The following DLGAP2 variants were observed in gnomAD, a reference collection of about 807,000 sequenced individuals.
DLGAP2 encodes disks large-associated protein 2.
DLGAP2 carries 26 observed loss-of-function variants against 100.3 expected under a neutral mutation model. That is an observed-to-expected ratio of 0.26 (90% CI 0.19 to 0.36). DLGAP2 has a LOEUF of 0.36. Ranked by LOEUF, DLGAP2 falls within the 10% of genes least tolerant of loss-of-function variation. The pLI is 1.00. For synonymous variants in DLGAP2, 886 were observed against 630.1 expected (o/e 1.41, Z -6.08); for missense variants, 1,858 against 1,453.2 (o/e 1.28, Z -4.53).
intron 3 of DLGAP2, among the ~76,000 whole-genome samples, chr8:1,457,788 A>G (rs1380780871): frequency 6.6e-6 from 1 of 151,612 alleles, no homozygotes; most frequent in East Asian, 1.9e-4. Context: ...TCCTCCCTCC[A>G]GGATGCCTCA....
intron 2 of DLGAP2, among the ~76,000 whole-genome samples, chr8:1,112,900 C>T (rs1489673650): frequency 6.6e-6 from 1 of 152,152 alleles, no homozygotes; most frequent in Non-Finnish European, 1.5e-5. Flanking sequence ...AGGAAGGGGT[C>T]CAGCTTCAAT....
intron 1 of DLGAP2, among the ~76,000 whole-genome samples, chr8:840,429 T>C (rs1410762539): frequency 3.7e-4 from 30 of 81,188 alleles, no homozygotes; most frequent in East Asian, 1.6e-3. Context: ...GCCTGCACTT[T>C]TCCCCACACT....
At chr8:1,503,115 T>G (rs1438191760) in intron 4 of DLGAP2, among the ~76,000 whole-genome samples, 1 of 152,200 alleles carries the variant, frequency 6.6e-6, no homozygotes, top group African/African-American at 2.4e-5. Flanking sequence ...CATGGGTGGC[T>G]TGGTGAAGGC....
chr8:1,468,434 A>AT (rs1563167217), intron 3 of DLGAP2, among the ~76,000 whole-genome samples: 1 of 144,988 alleles, frequency 6.9e-6, no homozygotes, highest in Non-Finnish European at 1.5e-5. Context: ...TGAGTCCCCA[A>AT]CAGCCATGGT....
chr8:1,512,656 G>A (rs1025379480), intron 4 of DLGAP2, among the ~76,000 whole-genome samples: 38 of 152,196 alleles, frequency 2.5e-4, no homozygotes, highest in African/African-American at 8.7e-4. Context: ...AGCCAAGCAC[G>A]CTTCTTGCTG....
intron 1 of DLGAP2, among the ~76,000 whole-genome samples, chr8:791,755 C>T (rs900968917): frequency 6.6e-6 from 1 of 152,190 alleles, no homozygotes; most frequent in Non-Finnish European, 1.5e-5. Context: ...TCAAGAAAAG[C>T]ACAGCAGAGA....
chr8:1,646,441 T>G (rs1346107576), intron 8 of DLGAP2, among the ~76,000 whole-genome samples: 1 of 152,210 alleles, frequency 6.6e-6, no homozygotes, highest in Non-Finnish European at 1.5e-5. Context: ...ATCTCTATCG[T>G]CTGTCCATCC....
intron 12 of DLGAP2, among the ~76,000 whole-genome samples, chr8:1,689,194 G>C (rs1302860768): frequency 6.6e-6 from 1 of 152,216 alleles, no homozygotes; most frequent in African/African-American, 2.4e-5. Context: ...TCCACAGTCA[G>C]GTGTGCCCTG....
rs1170570388 is a variant in DLGAP2, at chr8:1,042,966, A to G, written c.73+135000A>G. On this transcript the variant is annotated intron_variant, in intron 2 of 14. Transcript: ENST00000637795. ...GGTGGATATGGCTGGTAGGTGGTGG[A>G]TGTGGGTGGTGGATGTGGGTGATGG... Among the ~76,000 whole-genome samples, 31 of 91,742 alleles carry G rather than the reference A, an allele frequency of 3.4e-4. 1 individual carries two copies. The South Asian group carries it at 0.011, about 31-fold the overall frequency. The allele number at this position is 91,742 out of a possible 152,430, so 60.2% of individuals were successfully genotyped here.
chr8:1,596,479 A>G (rs1796462878), intron 6 of DLGAP2, among the ~76,000 whole-genome samples: 1 of 152,046 alleles, frequency 6.6e-6, no homozygotes, highest in Non-Finnish European at 1.5e-5. Flanking sequence ...ACTAACTTAT[A>G]CTCCCACCAA....
At position 1,633,106 on chromosome 8, in the gene DLGAP2, C is replaced by A. The variant is rs1354474293; in HGVS notation, c.1810+60C>A. The stretch of plus-strand genomic sequence containing the variant: ...ACTCTAGAGGCATACCTGTCTTCAT[C>A]CTAGAAGGAGCGAGCAGCACACAGC... On this transcript the variant is annotated intron_variant, in intron 8 of 14. Transcript: ENST00000637795. 10 of 1,560,294 alleles carry A rather than the reference C, an allele frequency of 6.4e-6. No homozygotes were observed. In the East Asian group the frequency reaches 1.6e-4, roughly 25 times the overall value.
At chr8:1,039,467 T>G (rs1221621822) in intron 2 of DLGAP2, among the ~76,000 whole-genome samples, 8 of 114,650 alleles carry the variant, frequency 7.0e-5, no homozygotes, top group South Asian at 6.3e-4. Context: ...GGTATGCATG[T>G]TCAGCTCGGT....
chr8:1,376,449 C>G (rs1802390097), intron 3 of DLGAP2, among the ~76,000 whole-genome samples: 2 of 152,250 alleles, frequency 1.3e-5, no homozygotes, highest in South Asian at 2.1e-4. Context: ...GGCAGTGAAT[C>G]AGCCTGGAAG....
chr8:801,315 C>CTT (rs1796147159), intron 1 of DLGAP2, among the ~76,000 whole-genome samples: 1 of 152,182 alleles, frequency 6.6e-6, no homozygotes, highest in Non-Finnish European at 1.5e-5. Flanking sequence ...CTGAGGAGTG[C>CTT]AGCAGTGGAC....
intron 3 of DLGAP2, among the ~76,000 whole-genome samples, chr8:1,304,385 A>C (rs1287872420): frequency 6.6e-6 from 1 of 152,246 alleles, no homozygotes; most frequent in African/African-American, 2.4e-5. Context: ...AGGAATTTCA[A>C]GTGCCCAGGT....
At chr8:1,437,641 C>CT (rs1342361864) in intron 3 of DLGAP2, among the ~76,000 whole-genome samples, 6 of 152,004 alleles carry the variant, frequency 3.9e-5, no homozygotes, top group South Asian at 4.2e-4. Context: ...CCTCCATCAG[C>CT]TTTTTTTCTG....
intron 3 of DLGAP2, among the ~76,000 whole-genome samples, chr8:1,485,142 G>A (rs1219914071): frequency 2.0e-5 from 3 of 152,322 alleles, no homozygotes; most frequent in Non-Finnish European, 2.9e-5. Context: ...AAATTGGGAC[G>A]ATGTTAATGC....
rs1797931905 is a variant in DLGAP2 at position 1,444,661 on chromosome 8, G to A, written c.107-56705G>A. On this transcript the variant is annotated intron_variant, in intron 3 of 14. Transcript: ENST00000637795. ...CTTCTTTCCCCATTTCCAGGTTGAT[G>A]GTCCCATGATTTTGACTCAGTGTCA... Among the ~76,000 whole-genome samples the A allele has an allele frequency of 2.0e-5, 3 of 151,678 alleles. No individual in the cohort carries two copies. The South Asian group carries it at 6.3e-4, about 32-fold the overall frequency.
intron 3 of DLGAP2, among the ~76,000 whole-genome samples, chr8:1,472,195 C>T (rs1798821957): frequency 6.6e-6 from 1 of 152,138 alleles, no homozygotes; most frequent in East Asian, 1.9e-4. Flanking sequence ...GGAGGAAATC[C>T]TTGCAGCAGG....
Sources: gnomAD v4.1 joint callset for allele counts (sites outside exome capture counted in the v4.1 genomes callset) on GRCh38, gnomAD v4.1.1 for gene constraint, MANE v1.5 for transcripts, NCBI Gene and HGNC (gene_info 2026-07-23, HGNC 2026-07-21) for gene names.